Variants in PTPRM observed in about 807,000 individuals in gnomAD.
PTPRM encodes receptor-type tyrosine-protein phosphatase mu.
In PTPRM, 47 loss-of-function variants were observed where a neutral mutation model predicts 186.7. That is an observed-to-expected ratio of 0.25 (90% CI 0.20 to 0.32). The LOEUF (loss-of-function observed/expected upper bound fraction) is 0.32. Ranked by LOEUF, PTPRM falls within the 10% of genes least tolerant of loss-of-function variation. The pLI is 1.00. For synonymous variants in PTPRM, 668 were observed against 674.9 expected, an observed-to-expected ratio of 0.99 and a Z score of 0.16; for missense variants, 1,494 against 1,865.0, an observed-to-expected ratio of 0.80 and a Z score of 3.66.
At position 7,567,709 on chromosome 18, in the gene PTPRM, GCTGTTTACCCGTCTCTCCTC is replaced by G; in HGVS notation, c.-109_-90del. ...CTTTGGGGGCTTGGCTTAGCGCTCT[GCTGTTTACCCGTCTCTCCTC>G]GCTGCCTCGGAACCAAAGCTCCCGG... is the stretch of plus-strand genomic sequence containing the variant. On this transcript the variant is annotated 5_prime_UTR_variant, in exon 1 of 33. Transcript: ENST00000580170. The surrounding 1 kb of genome is among the most constrained non-coding windows in gnomAD (Gnocchi z 4.3). The G allele has an allele frequency of 1.0e-6, 1 of 988,824 alleles. No homozygotes were observed. The allele number at this position is 988,824 out of a possible 1,614,324, so 61.3% of individuals were successfully genotyped here. A position where few individuals can be genotyped will look rare whatever the true frequency, so the allele number is the denominator to read the frequency against.
intron 14 of PTPRM, among the ~76,000 whole-genome samples, chr18:8,240,570 G>A (rs2094409189): frequency 1.5e-5 from 2 of 130,698 alleles, no homozygotes; most frequent in African/African-American, 2.9e-5. Flanking sequence ...AAGAAAGAAA[G>A]AAATTGAAAG....
intron 1 of PTPRM, among the ~76,000 whole-genome samples, chr18:7,571,615 A>G (rs2036568317): frequency 6.6e-6 from 1 of 152,250 alleles, no homozygotes; most frequent in Non-Finnish European, 1.5e-5. Flanking sequence ...CTACAGTGGT[A>G]TTTGAAATAT....
At chr18:8,393,966 A>G (rs2095832232) in intron 31 of PTPRM, among the ~76,000 whole-genome samples, 1 of 151,578 alleles carries the variant, frequency 6.6e-6, no homozygotes. Context: ...TTTTTTTTGT[A>G]TTTTTTAGTA....
intron 14 of PTPRM, among the ~76,000 whole-genome samples, chr18:8,238,972 G>T (rs2094383578): frequency 8.0e-6 from 1 of 125,288 alleles, no homozygotes. Context: ...GGTAAACATA[G>T]CTTCTCTTTT....
chr18:8,117,512 T>C (rs2092001137), intron 13 of PTPRM, among the ~76,000 whole-genome samples: 1 of 152,214 alleles, frequency 6.6e-6, no homozygotes, highest in Admixed American at 6.5e-5. Context: ...TATTTATAAA[T>C]TTAATGCAGT....
At chr18:8,105,274 C>G (rs2091467110) in intron 11 of PTPRM, among the ~76,000 whole-genome samples, 1 of 152,172 alleles carries the variant, frequency 6.6e-6, no homozygotes. Flanking sequence ...CCACTACCCC[C>G]ACCCCACCTG....
intron 2 of PTPRM, among the ~76,000 whole-genome samples, chr18:7,861,877 G>A (rs2146063841): frequency 6.6e-6 from 1 of 152,228 alleles, no homozygotes; most frequent in South Asian, 2.1e-4. Flanking sequence ...AGTAGACATG[G>A]ATATGTAGGC....
intron 14 of PTPRM, among the ~76,000 whole-genome samples, chr18:8,206,349 G>C (rs1366910410): frequency 6.6e-6 from 1 of 151,904 alleles, no homozygotes; most frequent in Admixed American, 6.6e-5. Context: ...CCGCTTCCTG[G>C]GTTCACACCA....
chr18:7,777,786 C>T (rs1304483288), intron 2 of PTPRM, among the ~76,000 whole-genome samples: 2 of 152,122 alleles, frequency 1.3e-5, no homozygotes, highest in Non-Finnish European at 2.9e-5. Flanking sequence ...TGAAAAGCAT[C>T]GTGATGTGAT....
chr18:7,921,921 G>GA (rs1161363175), intron 4 of PTPRM, among the ~76,000 whole-genome samples: 1 of 152,066 alleles, frequency 6.6e-6, no homozygotes, highest in East Asian at 1.9e-4. Context: ...TTCCTCATTT[G>GA]TTTTTGTTTC....
At chr18:8,022,655 C>G (rs1265610897) in intron 7 of PTPRM, among the ~76,000 whole-genome samples, 1 of 151,952 alleles carries the variant, frequency 6.6e-6, no homozygotes, top group East Asian at 1.9e-4. Flanking sequence ...CTGGGCAGCT[C>G]CTAACTGCGC....
chr18:7,926,185 G>A (rs980298890), intron 4 of PTPRM, among the ~76,000 whole-genome samples: 1 of 152,114 alleles, frequency 6.6e-6, no homozygotes, highest in Non-Finnish European at 1.5e-5. Context: ...TTCTTTTCAT[G>A]TTGCTGGTAT....
chr18:8,138,683 G>T (rs1208823813), intron 13 of PTPRM, among the ~76,000 whole-genome samples: 2 of 152,122 alleles, frequency 1.3e-5, no homozygotes, highest in Admixed American at 6.5e-5. Context: ...GTTCCTCTGG[G>T]TGAAACATCA....
chr18:7,680,692 GGAAAAA>G (rs60659741), intron 1 of PTPRM, among the ~76,000 whole-genome samples: 2 of 152,012 alleles, frequency 1.3e-5, no homozygotes, highest in Admixed American at 6.5e-5. Context: ...AGGGAAAACT[GGAAAAA>G]GAAAAAGAAA....
chr18:7,889,333 C>CTTTTT (rs770886704), intron 3 of PTPRM, among the ~76,000 whole-genome samples: 33 of 119,816 alleles, frequency 2.8e-4, no homozygotes, highest in Non-Finnish European at 4.5e-4. Flanking sequence ...TCTTTTCTTT[C>CTTTTT]TTTTTTTTTT....
In PTPRM at chr18:8,354,802, A is replaced by G. The variant is rs571401008; in HGVS notation, c.3054+11282A>G. ...ATGATAGAACCAGGAATCCAGCAGC[A>G]GTAGAACAGTGGCTAAGTGTGCAGC... is the stretch of plus-strand genomic sequence containing the variant. On this transcript the variant is annotated intron_variant, in intron 23 of 32. Coordinates refer to ENST00000580170, the MANE Select transcript of PTPRM (RefSeq NM_001105244.2). 5.9e-5 allele frequency among the ~76,000 whole-genome samples: 9 copies of G among 152,336 alleles called. No homozygotes were observed. In the East Asian group the frequency reaches 1.7e-3, roughly 29 times the overall value.
At chr18:7,583,991 G>A (rs770329137) in intron 1 of PTPRM, among the ~76,000 whole-genome samples, 2 of 152,110 alleles carry the variant, frequency 1.3e-5, no homozygotes, top group Admixed American at 1.3e-4. Flanking sequence ...AAAACATGTA[G>A]ATCTGTATTT....
chr18:7,984,602 T>TATATATATATATATATATACACACAC (rs1214502563), intron 7 of PTPRM, among the ~76,000 whole-genome samples: 1 of 87,196 alleles, frequency 1.1e-5, no homozygotes, highest in African/African-American at 4.9e-5. Context: ...TATATATATA[T>TATATATATATATATATATACACACAC]ACACACACAC....
At chr18:7,760,507 TGA>T (rs2041719913) in intron 1 of PTPRM, among the ~76,000 whole-genome samples, 1 of 152,202 alleles carries the variant, frequency 6.6e-6, no homozygotes, top group African/African-American at 2.4e-5. Flanking sequence ...CCTCGTGGGC[TGA>T]GAGAGCCTGA....
Sources: allele counts gnomAD v4.1 joint callset (sites outside exome capture counted in the v4.1 genomes callset), GRCh38; gene constraint gnomAD v4.1.1; non-coding constraint Gnocchi (gnomAD v3.1); transcripts MANE v1.5; gene names NCBI Gene and HGNC (gene_info 2026-07-23, HGNC 2026-07-21).